Variants in MPPED2 observed in about 807,000 individuals in gnomAD.
MPPED2 encodes metallophosphoesterase domain containing 2, also known as metallophosphoesterase MPPED2.
In MPPED2, 5 loss-of-function variants were observed where a neutral mutation model predicts 33.0. The observed-to-expected ratio is 0.15, with a 90% CI of 0.08 to 0.32. MPPED2 has a LOEUF of 0.32. MPPED2 is among the 10% of genes least tolerant of loss of function. The pLI, the probability that MPPED2 is intolerant of heterozygous loss-of-function variation, is 1.00. For synonymous variants in MPPED2, 136 were observed against 141.9 expected (o/e 0.96, Z 0.29); for missense variants, 275 against 372.1 (o/e 0.74, Z 2.15).
chr11:30,541,667 A>G (rs1955126776), intron 2 of MPPED2, among the ~76,000 whole-genome samples: 1 of 152,096 alleles, frequency 6.6e-6, no homozygotes, highest in South Asian at 2.1e-4. Context: ...ATCTCACCTC[A>G]CTGCAACCTC....
intron 2 of MPPED2, among the ~76,000 whole-genome samples, chr11:30,548,491 AT>A (rs1955544652): frequency 6.6e-6 from 1 of 152,190 alleles, no homozygotes; most frequent in South Asian, 2.1e-4. Context: ...AAGCACTGGG[AT>A]TACAGGTGTT....
chr11:30,447,402 G>A (rs1274943011), intron 4 of MPPED2, among the ~76,000 whole-genome samples: 1 of 152,216 alleles, frequency 6.6e-6, no homozygotes, highest in African/African-American at 2.4e-5. Context: ...ATCTGTCAGA[G>A]GCAATGAGGA....
At chr11:30,561,012 G>A (rs1030452477) in intron 2 of MPPED2, among the ~76,000 whole-genome samples, 1 of 152,154 alleles carries the variant, frequency 6.6e-6, no homozygotes, top group South Asian at 2.1e-4. Context: ...GTGAGTAATC[G>A]TTAGCTGAGG....
chr11:30,407,208 A>T (rs2133717877), downstream of MPPED2, among the ~76,000 whole-genome samples: 1 of 152,346 alleles, frequency 6.6e-6, no homozygotes, highest in South Asian at 2.1e-4. Flanking sequence ...CAACCTCCCA[A>T]CATAAGACAA....
downstream of MPPED2, among the ~76,000 whole-genome samples, chr11:30,409,401 G>A (rs530530650): frequency 1.3e-5 from 2 of 152,272 alleles, no homozygotes; most frequent in South Asian, 4.1e-4. Context: ...GAAGCCCATG[G>A]GAAGCTCAAG....
At chr11:30,564,317 G>A (rs1956353177) in intron 2 of MPPED2, among the ~76,000 whole-genome samples, 1 of 152,098 alleles carries the variant, frequency 6.6e-6, no homozygotes, top group African/African-American at 2.4e-5. Flanking sequence ...ATGCCCAGCT[G>A]CACTGGAAGG....
At position 30,552,168 on chromosome 11, in the gene MPPED2, A is replaced by G. The variant is rs1955745210; in HGVS notation, c.129-15993T>C. ...TACTATTAAAACTGTCATCTTCTAT[A>G]GCACCTCAGTACTCCTATCAGATAG... On this transcript the variant is annotated intron_variant, in intron 2 of 6. Transcript: ENST00000358117. Among the ~76,000 whole-genome samples, 3 of 152,228 alleles carry G rather than the reference A, an allele frequency of 2.0e-5. No individual in the cohort carries two copies. The South Asian group carries it at 6.2e-4, about 32-fold the overall frequency.
intron 3 of MPPED2, among the ~76,000 whole-genome samples, chr11:30,500,311 T>C (rs1952497748): frequency 6.6e-6 from 1 of 152,204 alleles, no homozygotes; most frequent in Admixed American, 6.5e-5. Context: ...CTCCTCTCTC[T>C]TCTTCCTCAG....
chr11:30,572,102 G>A (rs1395680605), intron 2 of MPPED2, among the ~76,000 whole-genome samples: 3 of 152,094 alleles, frequency 2.0e-5, no homozygotes, highest in East Asian at 1.9e-4. Flanking sequence ...ACAAATGTAG[G>A]TAACTTTCCA....
At chr11:30,403,318 G>A (rs1023293966) in intron 6 of MPPED2, among the ~76,000 whole-genome samples, 3 of 151,926 alleles carry the variant, frequency 2.0e-5, no homozygotes, top group African/African-American at 7.3e-5. Context: ...CAATTTCGCT[G>A]GTACTCAGAA....
chr11:30,533,559 A>G (rs1032745599), intron 3 of MPPED2, among the ~76,000 whole-genome samples: 1 of 152,094 alleles, frequency 6.6e-6, no homozygotes, highest in African/African-American at 2.4e-5. Context: ...TGCTAGAAGC[A>G]CCCTTTCAGA....
intron 4 of MPPED2, among the ~76,000 whole-genome samples, chr11:30,461,213 G>A (rs1399422910): frequency 6.6e-6 from 1 of 152,178 alleles, no homozygotes; most frequent in Non-Finnish European, 1.5e-5. Flanking sequence ...GGGCTCGGGT[G>A]AAGGAGGAAT....
intron 4 of MPPED2, among the ~76,000 whole-genome samples, chr11:30,423,821 G>C (rs953391980): frequency 6.6e-6 from 1 of 152,098 alleles, no homozygotes; most frequent in Admixed American, 6.5e-5. Context: ...CATACACAGA[G>C]AGAATTGCTC....
At chr11:30,536,455 T>C (rs942135270) in intron 2 of MPPED2, among the ~76,000 whole-genome samples, 2 of 152,190 alleles carry the variant, frequency 1.3e-5, no homozygotes, top group African/African-American at 4.8e-5. Context: ...AGGAAACTGA[T>C]AGAGTGATTA....
chr11:30,452,352 C>T (rs965043428), intron 4 of MPPED2, among the ~76,000 whole-genome samples: 1 of 152,228 alleles, frequency 6.6e-6, no homozygotes, highest in Admixed American at 6.5e-5. Context: ...TAAACACGAT[C>T]GTGTCTGTGG....
chr11:30,552,486 G>C (rs893185932), intron 2 of MPPED2, among the ~76,000 whole-genome samples: 33 of 152,094 alleles, frequency 2.2e-4, no homozygotes, highest in African/African-American at 7.7e-4. Flanking sequence ...GTAACATTTT[G>C]GTATCTTTCC....
chr11:30,396,110 T>C (rs1027894082), intron 6 of MPPED2, among the ~76,000 whole-genome samples: 4 of 152,202 alleles, frequency 2.6e-5, no homozygotes, highest in African/African-American at 9.6e-5. Flanking sequence ...TACCTTGGGC[T>C]TTTGCTATTC....
At chr11:30,544,093 T>G (rs759923865) in intron 2 of MPPED2, among the ~76,000 whole-genome samples, 27 of 152,200 alleles carry the variant, frequency 1.8e-4, no homozygotes, top group Non-Finnish European at 1.5e-5. Flanking sequence ...GTGGTAACAA[T>G]TTAATTCTTT....
At chr11:30,432,729 T>A (rs1442096527) in intron 4 of MPPED2, among the ~76,000 whole-genome samples, 1 of 152,160 alleles carries the variant, frequency 6.6e-6, no homozygotes, top group African/African-American at 2.4e-5. Context: ...AAATAAACAT[T>A]TTGATGTATA....
Sources: gnomAD v4.1 joint callset for allele counts (sites outside exome capture counted in the v4.1 genomes callset) on GRCh38, gnomAD v4.1.1 for gene constraint, MANE v1.5 for transcripts, NCBI Gene and HGNC (gene_info 2026-07-23, HGNC 2026-07-21) for gene names.